The following ADAM17 variants were observed in gnomAD, a reference collection of about 807,000 sequenced individuals.
ADAM17 encodes the protein ADAM metallopeptidase domain 17.
A neutral mutation model predicts 96.7 loss-of-function variants in ADAM17; 39 were observed. The ratio of observed to expected loss-of-function variants is 0.40; its 90% CI spans 0.31 to 0.53. ADAM17 has a LOEUF of 0.53. ADAM17 is among the 20% of genes least tolerant of loss of function. The pLI, the probability that ADAM17 is intolerant of heterozygous loss-of-function variation, is 0.44. For missense variants in ADAM17, 777 were observed against 1,013.2 expected (o/e 0.77, Z 3.17); for synonymous variants, 344 against 359.2 (o/e 0.96, Z 0.48).
chr2:9,516,614 G>C (rs1188431562), intron 10 of ADAM17, among the ~76,000 whole-genome samples: 3 of 151,998 alleles, frequency 2.0e-5, no homozygotes, highest in Non-Finnish European at 2.9e-5. Context: ...TTAGCCAGGC[G>C]TGGTGACAGG....
rs373078095 is a variant in ADAM17 at position 9,513,691 on chromosome 2, A to AT, written c.1192-3561dup. Among the ~76,000 whole-genome samples the AT allele has an allele frequency of 1.6e-3, 237 of 152,106 alleles. 2 individuals carry two copies. The highest frequency in any genetic ancestry group is 5.0e-3 in the African/African-American group (209 of 41,484). ...ATAGAGGGAAAACACAGTTTGAGAG[A>AT]TTTTTTCCCCTAAAACAAAGTACCA... On this transcript the variant is annotated intron_variant, in intron 10 of 18. Coordinates refer to ENST00000310823, the MANE Select transcript of ADAM17 (RefSeq NM_003183.6).
At position 9,505,224 on chromosome 2, in the gene ADAM17, G is replaced by A; in HGVS notation, c.1486C>T (p.Leu496=). 2 of 1,614,170 alleles carry A rather than the reference G, an allele frequency of 1.2e-6. No homozygotes were observed. The highest frequency in any genetic ancestry group is 1.7e-6 in the Non-Finnish European group (2 of 1,180,046). ...GEECDPGIMY[L]NNDTCCNSDC... The stretch of plus-strand genomic sequence containing the variant: ...CTGTTGCAGCAGGTGTCGTTGTTCA[G>A]ATACATGATGCCAGGATCACACTCT... Residue 496 remains leucine (L), a synonymous_variant, in exon 12 of 19, where the codon CTG becomes TTG. Coordinates refer to ENST00000310823, the MANE Select transcript of ADAM17 (RefSeq NM_003183.6).
At position 9,555,288 on chromosome 2, in the gene ADAM17, T is replaced by C. The variant is rs1485591758; in HGVS notation, c.97+221A>G. On this transcript the variant is annotated intron_variant, in intron 1 of 18. Transcript: ENST00000310823. Reference sequence around the variant, plus strand: ...CCCTCTCAGGCGCTCAGTCACTACATGGAGCCCGTCCAGTAGCCCTTTCCC... The same window carrying C: ...CCCTCTCAGGCGCTCAGTCACTACACGGAGCCCGTCCAGTAGCCCTTTCCC... 3.3e-5 allele frequency among the ~76,000 whole-genome samples: 5 copies of C among 152,310 alleles called. No individual in the cohort carries two copies. In the East Asian group the frequency reaches 7.7e-4, roughly 24 times the overall value.
chr2:9,536,080 A>T (rs1278332631), intron 3 of ADAM17, among the ~76,000 whole-genome samples, 158 bp from the exon 4 acceptor site: 1 of 152,198 alleles, frequency 6.6e-6, no homozygotes, highest in Non-Finnish European at 1.5e-5. Context: ...GAAGCTAGAT[A>T]ATCTCAACTC....
intron 10 of ADAM17, among the ~76,000 whole-genome samples, chr2:9,510,455 G>A (rs531103034): frequency 1.3e-5 from 2 of 152,074 alleles, no homozygotes; most frequent in South Asian, 2.1e-4. Context: ...CACGAGGTCA[G>A]GAGTTCGAGA....
chr2:9,544,272 G>A (rs1369664817), intron 1 of ADAM17, among the ~76,000 whole-genome samples: 1 of 152,186 alleles, frequency 6.6e-6, no homozygotes, highest in East Asian at 1.9e-4. Flanking sequence ...ATGCATGGTG[G>A]CTCACACCTG....
intron 1 of ADAM17, among the ~76,000 whole-genome samples, chr2:9,547,356 A>C (rs1665433839): frequency 6.6e-6 from 1 of 152,240 alleles, no homozygotes; most frequent in African/African-American, 2.4e-5. Flanking sequence ...GTGACACTGG[A>C]GGAAAGACCA....
chr2:9,554,607 A>T (rs994132593), intron 1 of ADAM17, among the ~76,000 whole-genome samples: 1 of 152,252 alleles, frequency 6.6e-6, no homozygotes, highest in Admixed American at 6.5e-5. Flanking sequence ...ACACACTGGG[A>T]AAACATTATT....
chr2:9,541,011 C>A (rs960090817), intron 2 of ADAM17, among the ~76,000 whole-genome samples: 1 of 152,048 alleles, frequency 6.6e-6, no homozygotes, highest in Non-Finnish European at 1.5e-5. Context: ...TATCCTTGAC[C>A]CAGTAATTCT....
At chr2:9,503,160 A>G (rs76252303) in intron 12 of ADAM17, among the ~76,000 whole-genome samples, 2 of 142,578 alleles carry the variant, frequency 1.4e-5, no homozygotes, top group Non-Finnish European at 3.1e-5. Context: ...AAAGACAAGG[A>G]AAAAAAAAAA....
At chr2:9,498,221 C>T (rs879468647) in intron 13 of ADAM17, among the ~76,000 whole-genome samples, 32 of 152,010 alleles carry the variant, frequency 2.1e-4, no homozygotes, top group Non-Finnish European at 4.1e-4. Flanking sequence ...TTTTGAGAGA[C>T]GAGATCTCCC....
At chr2:9,534,477 G>A (rs574777273) in intron 4 of ADAM17, among the ~76,000 whole-genome samples, 1 of 152,188 alleles carries the variant, frequency 6.6e-6, no homozygotes, top group Non-Finnish European at 1.5e-5. Flanking sequence ...AGAGGTTATA[G>A]TGAGCCAAGA....
At chr2:9,492,092 CAGGAA>C (rs1451938933) in intron 17 of ADAM17, among the ~76,000 whole-genome samples, 3 of 152,122 alleles carry the variant, frequency 2.0e-5, no homozygotes, top group African/African-American at 4.8e-5. Flanking sequence ...GAGAAGCCAG[CAGGAA>C]AGGAAAGGAA....
At chr2:9,546,419 C>T (rs1267595960) in intron 1 of ADAM17, among the ~76,000 whole-genome samples, 1 of 152,120 alleles carries the variant, frequency 6.6e-6, no homozygotes, top group South Asian at 2.1e-4. Context: ...TCCTTTGGAG[C>T]CAAACTGTAG....
At chr2:9,504,494 C>T (rs1469562071) in intron 12 of ADAM17, among the ~76,000 whole-genome samples, 4 of 150,804 alleles carry the variant, frequency 2.7e-5, no homozygotes, top group African/African-American at 4.9e-5. Flanking sequence ...TTGCCAGGCA[C>T]GGTGCCTCAC....
At chr2:9,500,095 A>G (rs1307799331) in intron 13 of ADAM17, among the ~76,000 whole-genome samples, 1 of 147,786 alleles carries the variant, frequency 6.8e-6, no homozygotes, top group East Asian at 1.9e-4. Flanking sequence ...ACTCATAGAT[A>G]AATGTTCACA....
intron 4 of ADAM17, among the ~76,000 whole-genome samples, chr2:9,532,954 G>T (rs890702601): frequency 6.6e-6 from 1 of 152,064 alleles, no homozygotes; most frequent in Non-Finnish European, 1.5e-5. Context: ...ACTTTGGGAG[G>T]CCAAGATGGG....
At chr2:9,501,890 A>G (rs766465908) in intron 13 of ADAM17, among the ~76,000 whole-genome samples, 2 of 152,102 alleles carry the variant, frequency 1.3e-5, no homozygotes, top group Admixed American at 6.6e-5. Flanking sequence ...AAATAACACT[A>G]TATGATCTTT....
chr2:9,494,633 T>C lies in ADAM17; in HGVS notation c.1914+4A>G. The C allele has an allele frequency of 6.2e-7, 1 of 1,613,646 alleles. No individual in the cohort carries two copies. The highest frequency in any genetic ancestry group is 8.5e-7 in the Non-Finnish European group (1 of 1,179,762). Reference sequence around the variant, plus strand: ...TACAGAAAAAGCTGTACATAAATACTCACATTCATGTCACAAAATCCTACT... The same window carrying C: ...TACAGAAAAAGCTGTACATAAATACCCACATTCATGTCACAAAATCCTACT... On this transcript the variant is annotated splice_donor_region_variant and intron_variant, in intron 15 of 18. Coordinates refer to ENST00000310823, the MANE Select transcript of ADAM17 (RefSeq NM_003183.6).
Sources: allele counts gnomAD v4.1 joint callset (sites outside exome capture counted in the v4.1 genomes callset), GRCh38; gene constraint gnomAD v4.1.1; transcripts MANE v1.5; gene names NCBI Gene and HGNC (gene_info 2026-07-23, HGNC 2026-07-21).